The following SGCZ variants were observed in gnomAD, a reference collection of about 807,000 sequenced individuals.
The protein encoded by SGCZ is zeta-sarcoglycan.
In SGCZ, 40 loss-of-function variants were observed where a neutral mutation model predicts 41.3. That is an observed-to-expected ratio of 0.97 (90% CI 0.75 to 1.26). The LOEUF (loss-of-function observed/expected upper bound fraction) is 1.26, where lower values mean the gene tolerates loss of function less well. SGCZ is among the 50% of genes most tolerant of loss of function. SGCZ has a pLI of 0.00. For synonymous variants in SGCZ, 206 were observed against 137.5 expected (o/e 1.50, Z -3.49); for missense variants, 552 against 369.8 (o/e 1.49, Z -4.04).
chr8:14,799,689 A>T (rs907145802), intron 1 of SGCZ, among the ~76,000 whole-genome samples: 11 of 143,928 alleles, frequency 7.6e-5, no homozygotes, highest in Non-Finnish European at 1.5e-4. Context: ...AATAAAAAAA[A>T]ATTTTTTTTT....
intron 1 of SGCZ, among the ~76,000 whole-genome samples, chr8:15,176,773 G>A (rs1585642373): frequency 6.6e-6 from 1 of 152,172 alleles, no homozygotes; most frequent in Non-Finnish European, 1.5e-5. Flanking sequence ...AGGCCGAGGT[G>A]GGCGGATCAC....
intron 1 of SGCZ, among the ~76,000 whole-genome samples, chr8:15,190,335 T>A (rs1800490606): frequency 1.8e-5 from 1 of 56,232 alleles, no homozygotes; most frequent in Non-Finnish European, 5.7e-5. Context: ...GATAATTCAT[T>A]TCATTCATTC....
chr8:14,900,728 T>C (rs1430652781), intron 1 of SGCZ, among the ~76,000 whole-genome samples: 1 of 152,218 alleles, frequency 6.6e-6, no homozygotes, highest in Non-Finnish European at 1.5e-5. Flanking sequence ...CTGAAAGGTA[T>C]TTTATTATTG....
intron 1 of SGCZ, among the ~76,000 whole-genome samples, chr8:14,935,188 A>G (rs1800044785): frequency 6.6e-6 from 1 of 151,726 alleles, no homozygotes; most frequent in South Asian, 2.1e-4. Flanking sequence ...ATTAAAAGAT[A>G]TTTTATTTTT....
At chr8:14,597,844 G>C (rs1014372253) in intron 1 of SGCZ, among the ~76,000 whole-genome samples, 1 of 152,094 alleles carries the variant, frequency 6.6e-6, no homozygotes, top group African/African-American at 2.4e-5. Flanking sequence ...ATGTATAACA[G>C]TAGAACTGTA....
intron 2 of SGCZ, among the ~76,000 whole-genome samples, chr8:14,504,335 G>A (rs76576432): frequency 6.6e-6 from 1 of 152,132 alleles, no homozygotes; most frequent in East Asian, 1.9e-4. Context: ...CAGGGCCCAT[G>A]GGGGCTAGAA....
chr8:14,735,983 T>A (rs1799017754), intron 1 of SGCZ, among the ~76,000 whole-genome samples: 1 of 151,954 alleles, frequency 6.6e-6, no homozygotes, highest in African/African-American at 2.4e-5. Context: ...TTTTGATAAG[T>A]GTAAATGAGT....
At chr8:14,748,110 G>T (rs1387992177) in intron 1 of SGCZ, among the ~76,000 whole-genome samples, 2 of 151,944 alleles carry the variant, frequency 1.3e-5, no homozygotes, top group Non-Finnish European at 2.9e-5. Context: ...CTTCTCAAAG[G>T]CTTCCCGTGT....
intron 2 of SGCZ, among the ~76,000 whole-genome samples, chr8:14,328,245 T>C (rs778071544): frequency 3.1e-4 from 47 of 152,232 alleles, no homozygotes; most frequent in Admixed American, 6.5e-4. Context: ...AAGAGCATTA[T>C]AAATTAAATT....
At chr8:14,791,070 C>T (rs1800936092) in intron 1 of SGCZ, among the ~76,000 whole-genome samples, 1 of 151,398 alleles carries the variant, frequency 6.6e-6, no homozygotes, top group South Asian at 2.1e-4. Flanking sequence ...GGATACAATG[C>T]CATATACAAT....
At chr8:14,291,847 T>A (rs888282405) in intron 3 of SGCZ, among the ~76,000 whole-genome samples, 9 of 152,114 alleles carry the variant, frequency 5.9e-5, no homozygotes, top group East Asian at 1.9e-4. Flanking sequence ...AAGTCAACTC[T>A]ATCTTTGCTG....
intron 1 of SGCZ, among the ~76,000 whole-genome samples, chr8:14,587,365 A>G (rs527769927): frequency 7.1e-6 from 1 of 140,420 alleles, no homozygotes; most frequent in African/African-American, 2.6e-5. Flanking sequence ...CTACACTTGC[A>G]TTTGGAGCTA....
intron 1 of SGCZ, among the ~76,000 whole-genome samples, chr8:14,832,821 C>G (rs1262765323): frequency 2.0e-5 from 3 of 152,010 alleles, no homozygotes; most frequent in Non-Finnish European, 4.4e-5. Context: ...TCCAACCTTT[C>G]AAATACAATG....
At chr8:14,846,438 T>C (rs1259496704) in intron 1 of SGCZ, among the ~76,000 whole-genome samples, 2 of 151,854 alleles carry the variant, frequency 1.3e-5, no homozygotes, top group East Asian at 3.9e-4. Context: ...GCAAGACTGA[T>C]CAGGAACATA....
At chr8:14,819,157 T>C (rs1265782546) in intron 1 of SGCZ, among the ~76,000 whole-genome samples, 2 of 148,744 alleles carry the variant, frequency 1.3e-5, no homozygotes, top group African/African-American at 2.5e-5. Flanking sequence ...AAAGTAAAAG[T>C]AGAATTCTAA....
intron 1 of SGCZ, among the ~76,000 whole-genome samples, chr8:14,713,105 A>C (rs1343772461): frequency 1.3e-5 from 2 of 152,168 alleles, no homozygotes; most frequent in African/African-American, 2.4e-5. Context: ...GTTTCTTGGA[A>C]ATTTAAATAA....
chr8:15,141,636 G>A (rs1041484849), intron 1 of SGCZ, among the ~76,000 whole-genome samples: 2 of 152,210 alleles, frequency 1.3e-5, no homozygotes, highest in Non-Finnish European at 2.9e-5. Context: ...ATGCACGGTG[G>A]CTCACGCCTG....
At chr8:14,541,527 T>C (rs1448813779) in intron 2 of SGCZ, among the ~76,000 whole-genome samples, 2 of 152,168 alleles carry the variant, frequency 1.3e-5, no homozygotes, top group East Asian at 1.9e-4. Context: ...CCGCATTTTC[T>C]TTATCCAGTC....
chr8:14,391,221 C>T (rs1353576570), intron 2 of SGCZ, among the ~76,000 whole-genome samples: 4 of 151,948 alleles, frequency 2.6e-5, no homozygotes, highest in African/African-American at 7.2e-5. Context: ...GATCTTCTGT[C>T]ATCATCAATG....
Sources: allele counts gnomAD v4.1 joint callset (sites outside exome capture counted in the v4.1 genomes callset), GRCh38; gene constraint gnomAD v4.1.1; transcripts MANE v1.5; gene names NCBI Gene and HGNC (gene_info 2026-07-23, HGNC 2026-07-21).